The following RIOK3 variants were observed in gnomAD, a reference collection of about 807,000 sequenced individuals.
The protein encoded by RIOK3 is serine/threonine-protein kinase RIO3.
A neutral mutation model predicts 63.5 loss-of-function variants in RIOK3; 40 were observed. The ratio of observed to expected loss-of-function variants is 0.63; its 90% confidence interval spans 0.49 to 0.82. The LOEUF (loss-of-function observed/expected upper bound fraction) is 0.82. RIOK3 is among the 40% of genes least tolerant of loss of function. The pLI is 0.00. For missense variants in RIOK3, 557 were observed against 637.0 expected, an observed-to-expected ratio of 0.87 and a Z score of 1.35; for synonymous variants, 193 against 205.0, an observed-to-expected ratio of 0.94 and a Z score of 0.50.
Position 23,481,567 on chromosome 18 carries a change from G to A in RIOK3, c.*288G>A, listed in dbSNP as rs2057535021. On this transcript the variant is annotated 3_prime_UTR_variant, in exon 13 of 13. Transcript: ENST00000339486. Reference sequence around the variant, plus strand: ...TTTTATGTGACTTGTGGTGTAAAATGTCTTGATGATAATTTTTAAAACTTG... The same window carrying A: ...TTTTATGTGACTTGTGGTGTAAAATATCTTGATGATAATTTTTAAAACTTG... 1.1e-5 allele frequency: 3 copies of A among 266,322 alleles called. No homozygotes were observed. Among genetic ancestry groups the A allele is most frequent in the Non-Finnish European group, 1.4e-5 (2 of 142,486 alleles). 16.5% of individuals were successfully genotyped at this position (266,322 alleles called of 1,614,324 possible). A position where few individuals can be genotyped will look rare whatever the true frequency, so the allele number is the denominator to read the frequency against.
rs765792971 is a variant in RIOK3 at position 23,464,011 on chromosome 18, C to G, written c.224C>G (p.Ser75Cys). The change falls in exon 3 of 13, where the codon TCC becomes TGC. Residue 75 changes from serine (S) to cysteine (C), a missense_variant. By Grantham distance (112) the Ser-to-Cys change is moderately radical. Transcript: ENST00000339486. ...ATTACTGGAGAAAACATTGATACTT[C>G]CAGTGACCTTATGCTGGCTCAGATG... is the stretch of plus-strand genomic sequence containing the variant. ...PFITGENIDT[S>C]SDLMLAQMLQ... 77 of 1,612,884 alleles carry G rather than the reference C, an allele frequency of 4.8e-5. No homozygotes were observed. The highest frequency in any genetic ancestry group is 6.3e-5 in the Non-Finnish European group (74 of 1,179,482).
intron 1 of RIOK3, 56 bp downstream of exon 1, chr18:23,453,558 G>C: frequency 7.0e-7 from 1 of 1,422,456 alleles, no homozygotes; most frequent in Non-Finnish European, 9.9e-7. Flanking sequence ...TGGATCTCTC[G>C]GAAAGCTCGG....
intron 1 of RIOK3, among the ~76,000 whole-genome samples, chr18:23,462,004 C>T (rs1051950291): frequency 2.0e-5 from 3 of 149,924 alleles, no homozygotes; most frequent in Non-Finnish European, 4.4e-5. Context: ...GCAGGAGAAT[C>T]GCTTGAACCC....
chr18:23,469,074 A>G (rs1478250667), intron 7 of RIOK3, among the ~76,000 whole-genome samples: 2 of 152,106 alleles, frequency 1.3e-5, no homozygotes, highest in Non-Finnish European at 2.9e-5. Flanking sequence ...CTCTTCACAC[A>G]CTAGCTCTCA....
In RIOK3 at chr18:23,463,888, G is replaced by A. The variant is rs1042321493; in HGVS notation, c.180-79G>A. 15 of 1,193,482 alleles carry A rather than the reference G, an allele frequency of 1.3e-5. No homozygotes were observed. The Admixed American group carries it at 3.0e-4, about 24-fold the overall frequency. The allele number at this position is 1,193,482 out of a possible 1,614,324, so 73.9% of individuals were successfully genotyped here. On this transcript the variant is annotated intron_variant, in intron 2 of 12. Coordinates refer to ENST00000339486, the MANE Select transcript of RIOK3 (RefSeq NM_003831.5). ...ATTGTTCAATTTTAACATGGAAAAG[G>A]CACCTCCTACTCTCATAATTGGCAA...
intron 11 of RIOK3, among the ~76,000 whole-genome samples, chr18:23,477,817 C>T (rs1321121199): frequency 2.0e-5 from 3 of 151,210 alleles, no homozygotes; most frequent in Non-Finnish European, 2.9e-5. Context: ...TGCCTGTAAT[C>T]CCAGCACTTT....
Position 23,453,506 on chromosome 18 carries a change from A to G in RIOK3, c.63+4A>G. The G allele has an allele frequency of 2.5e-6, 4 of 1,610,714 alleles. No homozygotes were observed. Among genetic ancestry groups the G allele is most frequent in the Non-Finnish European group, 3.4e-6 (4 of 1,177,108 alleles). On this transcript the variant is annotated splice_donor_region_variant and intron_variant, in intron 1 of 12. Coordinates refer to ENST00000339486, the MANE Select transcript of RIOK3 (RefSeq NM_003831.5). ...AGCGGCCTGGGGACCCAGCAAGGTAAGTGGCAGACGAGACTGGAGTACTAG... is the reference window on the plus strand; with the variant it reads ...AGCGGCCTGGGGACCCAGCAAGGTAGGTGGCAGACGAGACTGGAGTACTAG...
At chr18:23,467,869 C>T (rs902637236) in intron 7 of RIOK3, among the ~76,000 whole-genome samples, 5 of 152,182 alleles carry the variant, frequency 3.3e-5, no homozygotes, top group African/African-American at 9.6e-5. Context: ...CTCTGCCTCC[C>T]GGGTTCAAGC....
intron 2 of RIOK3, chr18:23,463,305 A>T (rs1315445123): frequency 2.7e-6 from 1 of 374,156 alleles, no homozygotes; most frequent in Non-Finnish European, 4.8e-6. Flanking sequence ...TTAATGCTGC[A>T]GTTGAACTAG....
At chr18:23,470,583 G>A (rs1327467702) in intron 7 of RIOK3, among the ~76,000 whole-genome samples, 1 of 152,132 alleles carries the variant, frequency 6.6e-6, no homozygotes, top group Non-Finnish European at 1.5e-5. Context: ...GTAATCAGAG[G>A]GCACTTCAGC....
chr18:23,453,333 T>G lies in RIOK3; in HGVS notation c.-107T>G, dbSNP rs574233158. 1.1e-6 allele frequency: 1 copy of G among 924,378 alleles called. No individual in the cohort carries two copies. Among genetic ancestry groups the G allele is most frequent in the Non-Finnish European group, 1.8e-6 (1 of 566,554 alleles). The allele number at this position is 924,378 out of a possible 1,614,324, so 57.3% of individuals were successfully genotyped here. ...CGTCGCCGCCATCTGTCACCTCCAC[T>G]CCGGCATCAGCAGCCAGTCGCCCGT... is the stretch of plus-strand genomic sequence containing the variant. On this transcript the variant is annotated 5_prime_UTR_variant, in exon 1 of 13. Transcript: ENST00000339486.
At chr18:23,470,020 G>A (rs2145690365) in intron 7 of RIOK3, among the ~76,000 whole-genome samples, 1 of 152,260 alleles carries the variant, frequency 6.6e-6, no homozygotes, top group Admixed American at 6.5e-5. Context: ...GATAGGAATA[G>A]CGAATAGAAC....
Position 23,481,409 on chromosome 18 carries a change from T to C in RIOK3, c.*130T>C, listed in dbSNP as rs564265859. 7 of 583,106 alleles carry C rather than the reference T, an allele frequency of 1.2e-5. No individual in the cohort carries two copies. The Admixed American group carries it at 1.4e-4, about 11-fold the overall frequency. 36.1% of individuals were successfully genotyped at this position (583,106 alleles called of 1,614,324 possible). A position where few individuals can be genotyped will look rare whatever the true frequency, so the allele number is the denominator to read the frequency against. ...ATGGTGCTTCTGTGCTTTTCCCCCT[T>C]GTAACCCATGTGCCAGATGTGTGGA... On this transcript the variant is annotated 3_prime_UTR_variant, in exon 13 of 13. Transcript: ENST00000339486.
chr18:23,462,102 G>T (rs904570250), intron 1 of RIOK3, among the ~76,000 whole-genome samples: 3 of 120,522 alleles, frequency 2.5e-5, no homozygotes, highest in African/African-American at 8.8e-5. Context: ...AAAAAAAAAA[G>T]AAATAAAATT....
chr18:23,473,518 G>A lies in RIOK3; in HGVS notation c.905G>A (p.Arg302His), dbSNP rs747008828. 3.1e-6 allele frequency: 5 copies of A among 1,612,384 alleles called. No individual in the cohort carries two copies. The highest frequency in any genetic ancestry group is 2.7e-5 in the African/African-American group (2 of 74,842). ...FKTTLNEFKNRDKYIKDDFRF... is the reference protein window; with the variant it reads ...FKTTLNEFKNHDKYIKDDFRF... ...ACAACCCTTAATGAATTTAAGAATC[G>A]TGACAAATATATTAAAGATGATTTC... Residue 302 changes from arginine to histidine, a missense_variant, in exon 8 of 13, where the codon CGT (arginine) becomes CAT (histidine). Physicochemically the swap from Arg to His is conservative, Grantham distance 29. Transcript: ENST00000339486.
At chr18:23,478,512 A>T (rs2057508638) in intron 11 of RIOK3, among the ~76,000 whole-genome samples, 1 of 151,698 alleles carries the variant, frequency 6.6e-6, no homozygotes, top group Non-Finnish European at 1.5e-5. Context: ...GGATTGTTTG[A>T]GTCCAGAAGT....
intron 1 of RIOK3, among the ~76,000 whole-genome samples, chr18:23,455,751 C>T (rs955004724): frequency 2.6e-5 from 4 of 151,920 alleles, no homozygotes; most frequent in Non-Finnish European, 2.9e-5. Context: ...GCTCCCACCT[C>T]GGCCTCCTGA....
chr18:23,471,855 C>A (rs1407834959), intron 7 of RIOK3, among the ~76,000 whole-genome samples: 1 of 152,030 alleles, frequency 6.6e-6, no homozygotes, highest in East Asian at 1.9e-4. Context: ...ATTTGAGATG[C>A]CTGTTAGACT....
At chr18:23,477,340 T>A in intron 11 of RIOK3, 72 bp downstream of exon 11, 1 of 1,122,218 alleles carries the variant, frequency 8.9e-7, no homozygotes, top group Admixed American at 1.7e-5. Context: ...ACTCCTAAGA[T>A]AAGTAAGAGG....
Sources: allele counts gnomAD v4.1 joint callset (sites outside exome capture counted in the v4.1 genomes callset), GRCh38; gene constraint gnomAD v4.1.1; transcripts MANE v1.5; gene names NCBI Gene and HGNC (gene_info 2026-07-23, HGNC 2026-07-21).